Variants in SNAP29 observed in about 807,000 individuals in gnomAD.
SNAP29 encodes the protein synaptosome associated protein 29, also known as synaptosomal-associated protein 29.
In SNAP29, 13 loss-of-function variants were observed where a neutral mutation model predicts 27.9. The ratio of observed to expected loss-of-function variants is 0.47; its 90% confidence interval spans 0.30 to 0.74. SNAP29 has a LOEUF of 0.74. Ranked by LOEUF, SNAP29 falls within the 30% of genes least tolerant of loss-of-function variation. SNAP29 has a pLI of 0.06. For synonymous variants in SNAP29, 119 were observed against 127.1 expected, an observed-to-expected ratio of 0.94 and a Z score of 0.43; for missense variants, 368 against 336.5, an observed-to-expected ratio of 1.09 and a Z score of -0.73.
Position 20,890,885 on chromosome 22 carries a change from C to A in SNAP29, c.*3049C>A, listed in dbSNP as rs1316879705. On this transcript the variant is annotated 3_prime_UTR_variant, in exon 5 of 5. Coordinates refer to ENST00000215730, the MANE Select transcript of SNAP29 (RefSeq NM_004782.4). ...GGTCAGAAGATCGAGACCATCCTGG[C>A]TAACACAGTGAAACCCCGTCTCTAC... The A allele has an allele frequency of 3.3e-5, 5 of 151,056 alleles. No homozygotes were observed. The highest frequency in any genetic ancestry group is 1.2e-4 in the African/African-American group (5 of 41,008). The allele number at this position is 151,056 out of a possible 1,614,324, so 9.4% of individuals were successfully genotyped here. A position where few individuals can be genotyped will look rare whatever the true frequency, so the allele number is the denominator to read the frequency against.
intron 2 of SNAP29, among the ~76,000 whole-genome samples, chr22:20,876,704 AC>A (rs1928754837): frequency 6.6e-6 from 1 of 151,670 alleles, no homozygotes; most frequent in Non-Finnish European, 1.5e-5. Context: ...AGCAGCTGGG[AC>A]TACAGGCACC....
At chr22:20,884,052 G>A (rs1167462189) in intron 4 of SNAP29, among the ~76,000 whole-genome samples, 2 of 152,164 alleles carry the variant, frequency 1.3e-5, no homozygotes, top group Admixed American at 6.6e-5. Context: ...TGTGCAGGGG[G>A]CCGGGCGCAG....
chr22:20,875,530 A>G (rs946448758), intron 2 of SNAP29, among the ~76,000 whole-genome samples: 2 of 152,186 alleles, frequency 1.3e-5, no homozygotes, highest in African/African-American at 4.8e-5. Context: ...GGAAGGCTGC[A>G]CAAAGGACCT....
At chr22:20,886,840 C>T (rs1343202397) in intron 4 of SNAP29, among the ~76,000 whole-genome samples, 5 of 146,432 alleles carry the variant, frequency 3.4e-5, no homozygotes, top group African/African-American at 5.0e-5. Flanking sequence ...CTCAAAATCC[C>T]GACCTCATAC....
chr22:20,863,889 G>T (rs1471286974), intron 1 of SNAP29, among the ~76,000 whole-genome samples: 1 of 151,774 alleles, frequency 6.6e-6, no homozygotes, highest in East Asian at 1.9e-4. Flanking sequence ...ATACATTCTG[G>T]TCTGCATGTG....
rs1236689801 is a variant in SNAP29, at chr22:20,890,524, A to G, written c.*2688A>G. 2.3e-5 allele frequency: 9 copies of G among 384,314 alleles called. No individual in the cohort carries two copies. The highest frequency in any genetic ancestry group is 1.2e-4 in the African/African-American group (6 of 48,240). The allele number at this position is 384,314 out of a possible 1,614,324, so 23.8% of individuals were successfully genotyped here. A position where few individuals can be genotyped will look rare whatever the true frequency, so the allele number is the denominator to read the frequency against. On this transcript the variant is annotated 3_prime_UTR_variant, in exon 5 of 5. Transcript: ENST00000215730. ...TGTAATCCCAGTGCTTTGGGAGGCC[A>G]AGGCGGGGGGATCACGAGGTCAGGA... is the stretch of plus-strand genomic sequence containing the variant.
At chr22:20,881,245 G>T (rs990540750) in intron 3 of SNAP29, 111 bp downstream of exon 3, 7 of 767,814 alleles carry the variant, frequency 9.1e-6, no homozygotes, top group Non-Finnish European at 1.6e-5. Flanking sequence ...GTGGGCAGGG[G>T]CCCCAGCTGC....
At chr22:20,871,724 T>C (rs907848482) in intron 2 of SNAP29, among the ~76,000 whole-genome samples, 2 of 151,748 alleles carry the variant, frequency 1.3e-5, no homozygotes. Flanking sequence ...CTATTAAAAA[T>C]ACAAAAAATT....
chr22:20,862,014 C>T (rs904909664), intron 1 of SNAP29, among the ~76,000 whole-genome samples: 5 of 152,174 alleles, frequency 3.3e-5, no homozygotes, highest in African/African-American at 1.2e-4. Context: ...AGGTGATCTG[C>T]CCACCTCAGC....
At chr22:20,866,732 C>T (rs534316666) in intron 1 of SNAP29, among the ~76,000 whole-genome samples, 1 of 152,262 alleles carries the variant, frequency 6.6e-6, no homozygotes, top group Admixed American at 6.5e-5. Context: ...CTGCCTGGTG[C>T]CCTTGCCCCA....
At chr22:20,871,581 A>AGCG (rs1418393883) in intron 2 of SNAP29, among the ~76,000 whole-genome samples, 1 of 152,014 alleles carries the variant, frequency 6.6e-6, no homozygotes, top group Non-Finnish European at 1.5e-5. Flanking sequence ...TCGAAATATA[A>AGCG]AATCATACAT....
chr22:20,875,912 G>A (rs111576052), intron 2 of SNAP29, among the ~76,000 whole-genome samples: 467 of 152,088 alleles, frequency 3.1e-3, no homozygotes, highest in Non-Finnish European at 5.1e-3. Context: ...TGTAATCCCA[G>A]CACTTTTGGG....
intron 2 of SNAP29, among the ~76,000 whole-genome samples, chr22:20,880,333 A>C (rs1928860690): frequency 6.6e-6 from 1 of 152,052 alleles, no homozygotes; most frequent in Non-Finnish European, 1.5e-5. Context: ...CCCCATCTCT[A>C]CTGAAAATAC....
intron 2 of SNAP29, among the ~76,000 whole-genome samples, chr22:20,877,682 C>T (rs943836095): frequency 2.0e-5 from 3 of 152,154 alleles, no homozygotes; most frequent in Admixed American, 6.6e-5. Context: ...TGCCCCTGCA[C>T]TCCAGCCTGG....
rs1431832434 is a variant in SNAP29 at position 20,890,540 on chromosome 22, G to A, written c.*2704G>A. ...TGGGAGGCCAAGGCGGGGGGATCAC[G>A]AGGTCAGGAGATCGAGACCATCCTG... On this transcript the variant is annotated 3_prime_UTR_variant, in exon 5 of 5. Transcript: ENST00000215730. 7 of 374,070 alleles carry A rather than the reference G, an allele frequency of 1.9e-5. No homozygotes were observed. The highest frequency in any genetic ancestry group is 6.8e-4 in the Middle Eastern group (1 of 1,470). The allele number at this position is 374,070 out of a possible 1,614,324, so 23.2% of individuals were successfully genotyped here. A position where few individuals can be genotyped will look rare whatever the true frequency, so the allele number is the denominator to read the frequency against.
At chr22:20,868,406 A>G (rs1928510610) in intron 1 of SNAP29, among the ~76,000 whole-genome samples, 1 of 152,206 alleles carries the variant, frequency 6.6e-6, no homozygotes, top group Admixed American at 6.5e-5. Flanking sequence ...TTTAATAGTA[A>G]ATTCAACCAA....
At chr22:20,877,150 G>A (rs939863289) in intron 2 of SNAP29, among the ~76,000 whole-genome samples, 5 of 152,160 alleles carry the variant, frequency 3.3e-5, no homozygotes, top group African/African-American at 7.2e-5. Flanking sequence ...TTGGCTGAGC[G>A]TGGTGGCTCA....
chr22:20,882,166 C>T (rs540715195), intron 3 of SNAP29, among the ~76,000 whole-genome samples: 3 of 151,784 alleles, frequency 2.0e-5, no homozygotes, highest in African/African-American at 4.8e-5. Context: ...GAGGACACCC[C>T]GACTCAGCCC....
At chr22:20,861,706 G>C (rs926601255) in intron 1 of SNAP29, among the ~76,000 whole-genome samples, 4 of 152,010 alleles carry the variant, frequency 2.6e-5, no homozygotes, top group Non-Finnish European at 5.9e-5. Flanking sequence ...CGCGATCTCA[G>C]CTCACTGCTA....
Sources: allele counts gnomAD v4.1 joint callset (sites outside exome capture counted in the v4.1 genomes callset), GRCh38; gene constraint gnomAD v4.1.1; transcripts MANE v1.5; gene names NCBI Gene and HGNC (gene_info 2026-07-23, HGNC 2026-07-21).